The following MEIKIN variants were observed in gnomAD, a reference collection of about 807,000 sequenced individuals.
MEIKIN encodes meiotic kinetochore factor.
At chr5:131,833,799 G>A (rs1749754855) in intron 11 of MEIKIN, among the ~76,000 whole-genome samples, 1 of 152,040 alleles carries the variant, frequency 6.6e-6, no homozygotes, top group African/African-American at 2.4e-5. Context: ...GATTTGGGTG[G>A]GGACACAGCC....
intron 9 of MEIKIN, among the ~76,000 whole-genome samples, chr5:131,873,251 C>G (rs984188074): frequency 6.6e-6 from 1 of 152,118 alleles, no homozygotes; most frequent in African/African-American, 2.4e-5. Context: ...ATTCAGGAAA[C>G]CCATCTCACA....
intron 9 of MEIKIN, among the ~76,000 whole-genome samples, chr5:131,876,335 G>T (rs992264241): frequency 4.6e-5 from 7 of 151,624 alleles, no homozygotes; most frequent in African/African-American, 1.7e-4. Context: ...AGTGGGCGAA[G>T]GATATGAGCA....
rs1180683043 is a variant in MEIKIN at position 131,842,095 on chromosome 5, G to A, written c.975+9169C>T. Among the ~76,000 whole-genome samples, 5 of 151,968 alleles carry A rather than the reference G, an allele frequency of 3.3e-5. No homozygotes were observed. In the South Asian group the frequency reaches 6.2e-4, roughly 19 times the overall value. On this transcript the variant is annotated intron_variant, in intron 11 of 12. Transcript: ENST00000442687. ...GCTCACTGCAACCTCCACCTCACAGGTTCAGGGACTACAGGTGCATGCCAT... is the reference window on the plus strand; with the variant it reads ...GCTCACTGCAACCTCCACCTCACAGATTCAGGGACTACAGGTGCATGCCAT...
At chr5:131,811,960 T>C (rs1402360933) in intron 12 of MEIKIN, among the ~76,000 whole-genome samples, 14 of 152,158 alleles carry the variant, frequency 9.2e-5, no homozygotes, top group Non-Finnish European at 1.5e-5. Context: ...CTTGATAGGT[T>C]TTCACAAACA....
intron 10 of MEIKIN, among the ~76,000 whole-genome samples, chr5:131,853,027 C>G (rs1043873759): frequency 1.3e-5 from 2 of 152,058 alleles, no homozygotes; most frequent in African/African-American, 2.4e-5. Flanking sequence ...TAACAAAATC[C>G]TTTCTCCCAT....
intron 9 of MEIKIN, among the ~76,000 whole-genome samples, chr5:131,872,337 A>C (rs1383672588): frequency 6.6e-6 from 1 of 152,256 alleles, no homozygotes; most frequent in Non-Finnish European, 1.5e-5. Context: ...CGGCACGAGA[A>C]CTATGTGACG....
intron 11 of MEIKIN, among the ~76,000 whole-genome samples, chr5:131,827,086 G>T (rs1271155359): frequency 1.3e-5 from 2 of 152,162 alleles, no homozygotes; most frequent in East Asian, 3.9e-4. Context: ...CTGGGGTCAA[G>T]TGATCCTCCC....
intron 11 of MEIKIN, among the ~76,000 whole-genome samples, chr5:131,841,674 C>T (rs1056922984): frequency 2.0e-5 from 3 of 152,172 alleles, no homozygotes; most frequent in African/African-American, 7.2e-5. Flanking sequence ...CTGTAGATCA[C>T]TTTGACATGT....
chr5:131,923,647 T>C (rs1419284207), intron 5 of MEIKIN, among the ~76,000 whole-genome samples: 3 of 151,908 alleles, frequency 2.0e-5, no homozygotes, highest in African/African-American at 7.2e-5. Context: ...CTCTTCTTCA[T>C]AGCATCCTAT....
rs557831373 is a variant in MEIKIN at position 131,857,287 on chromosome 5, T to C, written c.775-2453A>G. 2.6e-5 allele frequency among the ~76,000 whole-genome samples: 4 copies of C among 152,268 alleles called. No homozygotes were observed. The East Asian group carries it at 5.8e-4, about 22-fold the overall frequency. On this transcript the variant is annotated intron_variant, in intron 9 of 12. Coordinates refer to ENST00000442687, the MANE Select transcript of MEIKIN (RefSeq NM_001303622.2). The stretch of plus-strand genomic sequence containing the variant: ...AAAAAGATTTAAACTTAGAAATAAA[T>C]GATTTTCTGGAAAAAAATAACGTCA...
chr5:131,889,848 T>A (rs1007750230), intron 8 of MEIKIN, among the ~76,000 whole-genome samples: 1 of 152,220 alleles, frequency 6.6e-6, no homozygotes, highest in East Asian at 1.9e-4. Flanking sequence ...GGCTGTGGGT[T>A]TGTCATAGAT....
At chr5:131,933,155 C>T (rs1376508205) in intron 5 of MEIKIN, among the ~76,000 whole-genome samples, 3 of 151,934 alleles carry the variant, frequency 2.0e-5, no homozygotes, top group Non-Finnish European at 2.9e-5. Context: ...AGGGACTTGG[C>T]CTAGCTAACA....
At chr5:131,866,418 G>A (rs912624877) in intron 9 of MEIKIN, among the ~76,000 whole-genome samples, 6 of 152,212 alleles carry the variant, frequency 3.9e-5, no homozygotes, top group Admixed American at 2.0e-4. Context: ...AGATGCTGGC[G>A]GTGGCATGCA....
intron 11 of MEIKIN, among the ~76,000 whole-genome samples, chr5:131,835,671 G>A (rs747833903): frequency 6.6e-6 from 1 of 152,132 alleles, no homozygotes; most frequent in Non-Finnish European, 1.5e-5. Context: ...TTGGCTCACT[G>A]CAAGTTCCAT....
At chr5:131,871,602 G>A (rs1334631003) in intron 9 of MEIKIN, among the ~76,000 whole-genome samples, 1 of 152,158 alleles carries the variant, frequency 6.6e-6, no homozygotes, top group African/African-American at 2.4e-5. Context: ...AGACAGCAGT[G>A]ACCTCTGCAG....
At position 131,849,389 on chromosome 5, in the gene MEIKIN, CTTT is replaced by C. The variant is rs1561731853; in HGVS notation, c.975+1872_975+1874del. Among the ~76,000 whole-genome samples the C allele has an allele frequency of 1.2e-3, 178 of 143,328 alleles. 4 individuals are homozygous for C. Among genetic ancestry groups the C allele is most frequent in the African/African-American group, 4.3e-3 (169 of 39,178 alleles). 94.0% of individuals were successfully genotyped at this position (143,328 alleles called of 152,430 possible). On this transcript the variant is annotated intron_variant, in intron 11 of 12. Coordinates refer to ENST00000442687, the MANE Select transcript of MEIKIN (RefSeq NM_001303622.2). ...TTTCTTTATATATATAAAGAAACCT[CTTT>C]TCTTTATATATATAAAGAAACCTCT... is the stretch of plus-strand genomic sequence containing the variant.
chr5:131,875,582 T>C (rs1014162996), intron 9 of MEIKIN, among the ~76,000 whole-genome samples: 6 of 152,070 alleles, frequency 3.9e-5, no homozygotes, highest in South Asian at 2.1e-4. Flanking sequence ...AGGTAATTTA[T>C]AGATTCAATG....
At chr5:131,841,259 T>C (rs548756045) in intron 11 of MEIKIN, among the ~76,000 whole-genome samples, 3 of 152,174 alleles carry the variant, frequency 2.0e-5, no homozygotes, top group Admixed American at 2.0e-4. Flanking sequence ...CCCAGACTAC[T>C]GGTCTCTACA....
chr5:131,888,728 C>G (rs1333973432), intron 8 of MEIKIN, among the ~76,000 whole-genome samples: 3 of 152,082 alleles, frequency 2.0e-5, no homozygotes, highest in Admixed American at 6.6e-5. Flanking sequence ...GATCCCATTT[C>G]TCAATTTTGG....
Sources: allele counts gnomAD v4.1 joint callset (sites outside exome capture counted in the v4.1 genomes callset), GRCh38; gene constraint gnomAD v4.1.1; transcripts MANE v1.5; gene names NCBI Gene and HGNC (gene_info 2026-07-23, HGNC 2026-07-21).